Variants in CEP63 observed in about 807,000 individuals in gnomAD.
CEP63 encodes the protein centrosomal protein 63.
In CEP63, 84 loss-of-function variants were observed where a neutral mutation model predicts 89.1. The observed-to-expected ratio is 0.94, with a 90% CI of 0.79 to 1.13. CEP63 has a LOEUF of 1.13. Ranked by LOEUF, CEP63 falls within the 50% of genes most tolerant of loss-of-function variation. The pLI is 0.00. For missense variants in CEP63, 838 were observed against 813.3 expected, an observed-to-expected ratio of 1.03 and a Z score of -0.37; for synonymous variants, 267 against 272.5, an observed-to-expected ratio of 0.98 and a Z score of 0.20.
At chr3:134,682,016 G>A in the CEP63 span, among the ~76,000 whole-genome samples, 1 of 152,150 alleles carries the variant, frequency 6.6e-6, no homozygotes, top group East Asian at 1.9e-4. Flanking sequence ...GGATCACCCA[G>A]CTCCCCTTAT....
chr3:134,666,049 G>GAGAGAGAC, the CEP63 span, among the ~76,000 whole-genome samples: 6 of 152,110 alleles, frequency 3.9e-5, no homozygotes, highest in African/African-American at 1.2e-4. Flanking sequence ...GGAGAGATGA[G>GAGAGAGAC]AGAGAGACAG....
In CEP63 at chr3:134,545,535, AT is replaced by A. The variant is rs774397729; in HGVS notation, c.556-49del. On this transcript the variant is annotated intron_variant, in intron 6 of 14. Transcript: ENST00000675561. ...AGTTTCATTTTAGTCTTATTCATTGATTATTTTATCATTTCCCTTTTACCTA... is the reference window on the plus strand; with the variant it reads ...AGTTTCATTTTAGTCTTATTCATTGATATTTTATCATTTCCCTTTTACCTA... The A allele has an allele frequency of 1.4e-5, 18 of 1,286,244 alleles. No individual in the cohort carries two copies. In the South Asian group the frequency reaches 2.0e-4, roughly 14 times the overall value. The allele number at this position is 1,286,244 out of a possible 1,614,324, so 79.7% of individuals were successfully genotyped here.
At chr3:134,486,609 C>T (rs1270830972) in intron 1 of CEP63, 7 of 441,238 alleles carry the variant, frequency 1.6e-5, no homozygotes, top group Non-Finnish European at 1.8e-5. Flanking sequence ...ACCCACCTTC[C>T]TTTTCAGCGG....
At chr3:134,756,633 C>T in the CEP63 span, among the ~76,000 whole-genome samples, 11 of 152,162 alleles carry the variant, frequency 7.2e-5, no homozygotes, top group Non-Finnish European at 4.4e-5. Flanking sequence ...GGATTACAGG[C>T]GTGAGCCACT....
At chr3:134,686,247 A>G in the CEP63 span, among the ~76,000 whole-genome samples, 2 of 152,180 alleles carry the variant, frequency 1.3e-5, no homozygotes, top group African/African-American at 4.8e-5. Context: ...TGCACAACCT[A>G]CAGCTGGCCA....
the CEP63 span, among the ~76,000 whole-genome samples, chr3:134,711,840 G>A: frequency 2.7e-5 from 4 of 149,440 alleles, no homozygotes; most frequent in Admixed American, 6.7e-5. Context: ...TTGGCTCACT[G>A]TAACCTCTGC....
At chr3:134,577,246 T>G (rs1958236733), downstream of CEP63, among the ~76,000 whole-genome samples, 1 of 87,650 alleles carries the variant, frequency 1.1e-5, no homozygotes. Context: ...GCCAAAAAAC[T>G]TCTAGGAAAA....
the CEP63 span, among the ~76,000 whole-genome samples, chr3:134,686,241 C>A: frequency 1.3e-5 from 2 of 152,252 alleles, no homozygotes; most frequent in Non-Finnish European, 2.9e-5. Flanking sequence ...CGGCCCTGCA[C>A]AACCTACAGC....
chr3:134,775,843 G>A, the CEP63 span, among the ~76,000 whole-genome samples: 1 of 152,144 alleles, frequency 6.6e-6, no homozygotes, highest in Non-Finnish European at 1.5e-5. Flanking sequence ...GTGGAATGGT[G>A]CCTCTTCTTT....
At chr3:134,702,243 T>C in the CEP63 span, among the ~76,000 whole-genome samples, 2 of 152,166 alleles carry the variant, frequency 1.3e-5, no homozygotes, top group Non-Finnish European at 2.9e-5. Context: ...AAACATTCCA[T>C]GCTCATTGAT....
chr3:134,620,666 C>T, the CEP63 span: 26 of 958,662 alleles, frequency 2.7e-5, no homozygotes, highest in Middle Eastern at 4.1e-4. Flanking sequence ...ACTCTGCACA[C>T]GTGAATAAGC....
At chr3:134,740,776 G>A in the CEP63 span, among the ~76,000 whole-genome samples, 1 of 152,102 alleles carries the variant, frequency 6.6e-6, no homozygotes, top group African/African-American at 2.4e-5. Context: ...TTTGCTCTCT[G>A]GTCCCTCCAA....
chr3:134,708,260 C>A, the CEP63 span, among the ~76,000 whole-genome samples: 1 of 152,218 alleles, frequency 6.6e-6, no homozygotes, highest in Admixed American at 6.5e-5. Context: ...TTGCATTAAT[C>A]TTTTATCAGA....
intron 10 of CEP63, 63 bp from the exon 11 acceptor site, chr3:134,550,000 C>T: frequency 8.9e-7 from 1 of 1,126,840 alleles, no homozygotes; most frequent in Non-Finnish European, 1.3e-6. Context: ...TAGCTAGTAA[C>T]ATATTATTCT....
the CEP63 span, among the ~76,000 whole-genome samples, chr3:134,711,096 T>TC: frequency 6.6e-6 from 1 of 152,132 alleles, no homozygotes; most frequent in African/African-American, 2.4e-5. Context: ...ACTCTTCTCT[T>TC]CCCCCAGTCT....
chr3:134,762,830 CA>C, the CEP63 span, among the ~76,000 whole-genome samples: 1 of 152,160 alleles, frequency 6.6e-6, no homozygotes, highest in Non-Finnish European at 1.5e-5. Context: ...CTCCTTTAGC[CA>C]AAAGCCCCCA....
At chr3:134,660,896 TAA>T in the CEP63 span, among the ~76,000 whole-genome samples, 2 of 152,144 alleles carry the variant, frequency 1.3e-5, no homozygotes, top group Non-Finnish European at 2.9e-5. Context: ...AAGGGGCAAG[TAA>T]GTCCTCAGCC....
chr3:134,700,266 T>C, the CEP63 span, among the ~76,000 whole-genome samples: 5 of 152,258 alleles, frequency 3.3e-5, no homozygotes, highest in Non-Finnish European at 7.3e-5. Flanking sequence ...CCTGCCGCGC[T>C]GGCCCTGGCG....
the CEP63 span, chr3:134,604,301 A>G: frequency 6.2e-7 from 1 of 1,613,924 alleles, no homozygotes; most frequent in Non-Finnish European, 8.5e-7. Context: ...TAGATGTCGG[A>G]GTTGCCCTTG....
Sources: allele counts gnomAD v4.1 joint callset (sites outside exome capture counted in the v4.1 genomes callset), GRCh38; gene constraint gnomAD v4.1.1; transcripts MANE v1.5; gene names NCBI Gene and HGNC (gene_info 2026-07-23, HGNC 2026-07-21).